The following PARVB variants were observed in gnomAD, a reference collection of about 807,000 sequenced individuals.
The protein encoded by PARVB is beta-parvin.
Under a neutral mutation model 47.0 loss-of-function variants are expected in PARVB, and 46 were observed. The observed-to-expected ratio is 0.98, with a 90% CI of 0.77 to 1.25. PARVB has a LOEUF of 1.25. Ranked by LOEUF, PARVB falls within the 50% of genes most tolerant of loss-of-function variation. The pLI is 0.00. For missense variants in PARVB, 473 were observed against 471.6 expected, an observed-to-expected ratio of 1.00 and a Z score of -0.03; for synonymous variants, 196 against 196.3, an observed-to-expected ratio of 1.00 and a Z score of 0.01.
At chr22:44,081,677 T>C (rs1350598677) in intron 1 of PARVB, 2 of 961,654 alleles carry the variant, frequency 2.1e-6, no homozygotes, top group African/African-American at 3.5e-5. Flanking sequence ...TTGCTGGAAG[T>C]GAGCAGCGGG....
At chr22:44,022,577 T>G (rs1603423838), upstream of PARVB, among the ~76,000 whole-genome samples, 1 of 151,774 alleles carries the variant, frequency 6.6e-6, no homozygotes, top group Non-Finnish European at 1.5e-5. Context: ...TGTACTGCAC[T>G]GGGGGGACTG....
chr22:44,069,355 G>A (rs1313932833), intron 1 of PARVB, among the ~76,000 whole-genome samples: 4 of 152,168 alleles, frequency 2.6e-5, no homozygotes, highest in South Asian at 2.1e-4. Context: ...GTCTCACTGC[G>A]GCCCCAGAGG....
intron 1 of PARVB, among the ~76,000 whole-genome samples, chr22:44,050,869 G>A (rs1329672292): frequency 6.6e-6 from 1 of 152,198 alleles, no homozygotes; most frequent in Admixed American, 6.5e-5. Flanking sequence ...ATGAAGTCAG[G>A]GCACACAGCC....
intron 1 of PARVB, among the ~76,000 whole-genome samples, chr22:44,060,141 G>A (rs2051392607): frequency 6.6e-6 from 1 of 151,888 alleles, no homozygotes; most frequent in South Asian, 2.1e-4. Flanking sequence ...ATGGTAAAAT[G>A]CCATCTCTAC....
At chr22:44,083,803 G>A (rs2051962869) in intron 1 of PARVB, among the ~76,000 whole-genome samples, 1 of 152,166 alleles carries the variant, frequency 6.6e-6, no homozygotes, top group Non-Finnish European at 1.5e-5. Context: ...GCTGGTGGGA[G>A]CCATGGGGTG....
chr22:43,999,601 T>A (rs748965287), exon 2 of PARVB: 1 of 1,613,858 alleles, frequency 6.2e-7, no homozygotes, highest in Non-Finnish European at 8.5e-7. Context: ...ACTCATGGCT[T>A]CTCTGGCTGG....
At chr22:44,161,940 C>T (rs1257933621) in intron 11 of PARVB, among the ~76,000 whole-genome samples, 1 of 152,234 alleles carries the variant, frequency 6.6e-6, no homozygotes, top group Admixed American at 6.5e-5. Context: ...TGCCATGTGG[C>T]CCAGTGTTCC....
intron 4 of PARVB, among the ~76,000 whole-genome samples, chr22:44,129,045 T>A (rs1036159642): frequency 2.0e-5 from 3 of 152,102 alleles, no homozygotes; most frequent in African/African-American, 7.2e-5. Flanking sequence ...GCCATTGCAC[T>A]CCAGCCTGGG....
intron 5 of PARVB, among the ~76,000 whole-genome samples, chr22:44,131,869 A>G (rs2053333079): frequency 6.6e-6 from 1 of 152,178 alleles, no homozygotes; most frequent in African/African-American, 2.4e-5. Flanking sequence ...CCCATGCTGC[A>G]GAGGAGAGAG....
intron 2 of PARVB, among the ~76,000 whole-genome samples, chr22:44,018,425 C>A (rs1451966044): frequency 6.6e-6 from 1 of 152,094 alleles, no homozygotes; most frequent in Non-Finnish European, 1.5e-5. Context: ...AAAAAACTAA[C>A]CACATGCTCG....
At chr22:44,052,779 CA>C (rs2051234799) in intron 1 of PARVB, among the ~76,000 whole-genome samples, 1 of 152,106 alleles carries the variant, frequency 6.6e-6, no homozygotes, top group Admixed American at 6.5e-5. Flanking sequence ...CCTGTCTCTA[CA>C]ACAAATACAA....
intron 11 of PARVB, among the ~76,000 whole-genome samples, chr22:44,162,012 G>A (rs1423768038): frequency 6.6e-6 from 1 of 152,206 alleles, no homozygotes; most frequent in Non-Finnish European, 1.5e-5. Context: ...CCCCGCCCCT[G>A]GGTGGACATG....
At chr22:44,139,768 G>A (rs1321653885) in intron 7 of PARVB, 9 of 270,276 alleles carry the variant, frequency 3.3e-5, no homozygotes, top group East Asian at 1.6e-4. Context: ...TGTTTTGAGC[G>A]TTCCACGGCT....
chr22:44,137,624 G>A (rs1185454086), intron 7 of PARVB, among the ~76,000 whole-genome samples: 2 of 152,180 alleles, frequency 1.3e-5, no homozygotes, highest in African/African-American at 2.4e-5. Flanking sequence ...GTCTCGCCTG[G>A]GGTTGCTCAT....
At position 44,158,002 on chromosome 22, in the gene PARVB, G is replaced by T. The variant is rs1251279287; in HGVS notation, c.864G>T (p.Leu288=). The change falls in exon 11 of 13, where the codon CTG becomes CTT. Residue 288 remains leucine (L), a synonymous_variant. Transcript: ENST00000338758. ...TGCAGTTTGCAGATGGCGTGTACCT[G>T]GTTCTGCTCATGGGCCTTCTGGAAG... is the stretch of plus-strand genomic sequence containing the variant. ...LETQFADGVY[L]VLLMGLLEDY... The T allele has an allele frequency of 6.2e-7, 1 of 1,613,778 alleles. No homozygotes were observed.
chr22:44,132,754 C>T (rs1364225228), intron 5 of PARVB, 140 bp from the exon 6 acceptor site: 2 of 588,968 alleles, frequency 3.4e-6, no homozygotes, highest in Non-Finnish European at 6.1e-6. Context: ...CATCAGCTCT[C>T]TTGATTTGTC....
At chr22:44,159,417 T>A (rs1569162412) in intron 11 of PARVB, among the ~76,000 whole-genome samples, 1 of 152,206 alleles carries the variant, frequency 6.6e-6, no homozygotes, top group Non-Finnish European at 1.5e-5. Flanking sequence ...TGAAAGTCTT[T>A]GACAATTGCT....
At chr22:44,086,455 C>T (rs1233145322) in intron 1 of PARVB, among the ~76,000 whole-genome samples, 1 of 152,200 alleles carries the variant, frequency 6.6e-6, no homozygotes, top group African/African-American at 2.4e-5. Flanking sequence ...GGAGATTGGA[C>T]TTGGAGTTCG....
intron 2 of PARVB, among the ~76,000 whole-genome samples, chr22:44,099,318 C>G (rs1377039282): frequency 2.6e-5 from 4 of 152,172 alleles, no homozygotes; most frequent in Non-Finnish European, 5.9e-5. Context: ...CTGGGCATTT[C>G]TGCTGTGGAG....
Sources: allele counts gnomAD v4.1 joint callset (sites outside exome capture counted in the v4.1 genomes callset), GRCh38; gene constraint gnomAD v4.1.1; transcripts MANE v1.5; gene names NCBI Gene and HGNC (gene_info 2026-07-23, HGNC 2026-07-21).